The following ERC1 variants were observed in gnomAD, a reference collection of about 807,000 sequenced individuals.
The protein encoded by ERC1 is ELKS/RAB6-interacting/CAST family member 1.
In ERC1, 56 loss-of-function variants were observed where a neutral mutation model predicts 132.0. That is an observed-to-expected ratio of 0.42 (90% CI 0.34 to 0.53). The LOEUF (loss-of-function observed/expected upper bound fraction) is 0.53, where lower values mean the gene tolerates loss of function less well. Among genes scored for constraint, ERC1 ranks in the 20% least tolerant of loss-of-function variants. ERC1 has a pLI of 0.03. For missense variants in ERC1, 1,202 were observed against 1,349.9 expected (o/e 0.89, Z 1.72); for synonymous variants, 478 against 476.1 (o/e 1.00, Z -0.05).
intron 1 of ERC1, among the ~76,000 whole-genome samples, chr12:1,026,589 G>A (rs1352614783): frequency 2.0e-5 from 3 of 152,172 alleles, no homozygotes; most frequent in Non-Finnish European, 4.4e-5. Context: ...ACATTATGTA[G>A]TATCCAGTAA....
At chr12:1,481,024 A>G (rs1011939767) in intron 18 of ERC1, 2 of 603,460 alleles carry the variant, frequency 3.3e-6, no homozygotes, top group Non-Finnish European at 6.0e-6. Context: ...CTATACATAT[A>G]TACCTGAGAT....
intron 15 of ERC1, among the ~76,000 whole-genome samples, chr12:1,358,492 A>G (rs760626506): frequency 1.1e-4 from 16 of 152,164 alleles, no homozygotes; most frequent in Non-Finnish European, 1.8e-4. Flanking sequence ...GAGGTATGTA[A>G]TACCTTAATG....
chr12:1,127,668 A>G (rs1773506273), intron 7 of ERC1, among the ~76,000 whole-genome samples: 1 of 152,224 alleles, frequency 6.6e-6, no homozygotes, highest in African/African-American at 2.4e-5. Context: ...GGTATGTAAC[A>G]TTAATATAAA....
At chr12:1,263,847 G>A (rs28379879) in intron 14 of ERC1, among the ~76,000 whole-genome samples, 6,485 of 151,888 alleles carry the variant, frequency 0.043, 225 homozygotes, top group African/African-American at 0.085. Context: ...CTGCCAGCAC[G>A]CCCAGCTAAT....
At chr12:995,895 G>A (rs1029526822) in intron 1 of ERC1, among the ~76,000 whole-genome samples, 2 of 152,146 alleles carry the variant, frequency 1.3e-5, no homozygotes, top group African/African-American at 4.8e-5. Flanking sequence ...TGATATTCTA[G>A]AAGTGAAGGA....
At position 1,180,401 on chromosome 12, in the gene ERC1, T is replaced by A. The variant is rs1210886372; in HGVS notation, c.1738-139T>A. On this transcript the variant is annotated intron_variant, in intron 8 of 18. Coordinates refer to ENST00000360905, the MANE Select transcript of ERC1 (RefSeq NM_178040.4). ...GTTTTGCATGTAATTCTGAAACTCT[T>A]AGGATTAAATGATTTCTACAGAATG... 3.4e-5 allele frequency: 25 copies of A among 735,444 alleles called. No homozygotes were observed. In the Admixed American group the frequency reaches 5.6e-4, roughly 17 times the overall value. The allele number at this position is 735,444 out of a possible 1,614,324, so 45.6% of individuals were successfully genotyped here. A position where few individuals can be genotyped will look rare whatever the true frequency, so the allele number is the denominator to read the frequency against.
At chr12:1,451,704 A>G (rs1473733854) in intron 18 of ERC1, among the ~76,000 whole-genome samples, 1 of 152,202 alleles carries the variant, frequency 6.6e-6, no homozygotes, top group Non-Finnish European at 1.5e-5. Flanking sequence ...TCTGCTGGTA[A>G]TTAATTCTAT....
At chr12:1,032,814 C>A (rs936917455) in intron 2 of ERC1, among the ~76,000 whole-genome samples, 2 of 151,882 alleles carry the variant, frequency 1.3e-5, no homozygotes, top group Non-Finnish European at 2.9e-5. Context: ...AGTTGAAGTA[C>A]AACACCAAAA....
chr12:1,237,621 G>A (rs2075508247), intron 13 of ERC1, among the ~76,000 whole-genome samples: 2 of 152,158 alleles, frequency 1.3e-5, no homozygotes, highest in South Asian at 4.1e-4. Context: ...TTGCACCGGG[G>A]GAAATAGATT....
intron 15 of ERC1, among the ~76,000 whole-genome samples, chr12:1,348,767 GTC>G (rs907719644): frequency 1.3e-5 from 2 of 152,022 alleles, no homozygotes; most frequent in Non-Finnish European, 2.9e-5. Context: ...AAAGACCTGT[GTC>G]TCTTAAAATA....
intron 12 of ERC1, among the ~76,000 whole-genome samples, chr12:1,232,937 C>T (rs1479265383): frequency 6.6e-5 from 10 of 151,770 alleles, no homozygotes; most frequent in Non-Finnish European, 1.5e-4. Context: ...TTAGCAAGAG[C>T]GTTTAACAGG....
At chr12:1,230,881 T>A (rs1036693409) in intron 12 of ERC1, among the ~76,000 whole-genome samples, 3 of 152,220 alleles carry the variant, frequency 2.0e-5, no homozygotes, top group South Asian at 4.1e-4. Flanking sequence ...TAAGCCCATT[T>A]CTATTCTTTT....
intron 15 of ERC1, among the ~76,000 whole-genome samples, chr12:1,350,578 C>G (rs2084908576): frequency 6.6e-6 from 1 of 152,080 alleles, no homozygotes; most frequent in Non-Finnish European, 1.5e-5. Context: ...GCCATAAATC[C>G]GTGAAGTCAG....
rs995225738 is a variant in ERC1, at chr12:1,423,522, T to G, written c.3024+15275T>G. Among the ~76,000 whole-genome samples the G allele has an allele frequency of 2.0e-5, 3 of 152,240 alleles. No individual in the cohort carries two copies. The South Asian group carries it at 6.2e-4, about 31-fold the overall frequency. ...ATGATCCATCTTAGTGAACATAACT[T>G]GTGCTCTTAAAGGAATGGTATTCTT... On this transcript the variant is annotated intron_variant, in intron 17 of 18. Transcript: ENST00000360905.
chr12:1,187,501 A>G (rs968247860), intron 11 of ERC1, among the ~76,000 whole-genome samples: 2 of 151,894 alleles, frequency 1.3e-5, no homozygotes, highest in African/African-American at 4.8e-5. Context: ...TCCTGGGCTC[A>G]AGGAATTCTC....
intron 5 of ERC1, among the ~76,000 whole-genome samples, chr12:1,111,137 T>C (rs914396218): frequency 1.3e-5 from 2 of 152,182 alleles, no homozygotes; most frequent in African/African-American, 4.8e-5. Context: ...TTGCTTCCCA[T>C]GTGCACTTCA....
At chr12:1,420,696 C>T (rs1223731521) in intron 17 of ERC1, among the ~76,000 whole-genome samples, 1 of 152,108 alleles carries the variant, frequency 6.6e-6, no homozygotes, top group Non-Finnish European at 1.5e-5. Flanking sequence ...ACCTCATGAT[C>T]CACCCACCTC....
intron 15 of ERC1, among the ~76,000 whole-genome samples, chr12:1,330,218 C>G (rs1429618777): frequency 1.3e-5 from 2 of 152,192 alleles, no homozygotes; most frequent in Non-Finnish European, 2.9e-5. Context: ...GGAAAAGCAA[C>G]AACACATCTA....
At chr12:1,440,665 T>TGTGTGTGTGA (rs2093122642) in intron 17 of ERC1, among the ~76,000 whole-genome samples, 1 of 112,430 alleles carries the variant, frequency 8.9e-6, no homozygotes, top group Admixed American at 9.7e-5. Context: ...TGTGTGTGTG[T>TGTGTGTGTGA]GTGATGGAGT....
Sources: allele counts gnomAD v4.1 joint callset (sites outside exome capture counted in the v4.1 genomes callset), GRCh38; gene constraint gnomAD v4.1.1; transcripts MANE v1.5; gene names NCBI Gene and HGNC (gene_info 2026-07-23, HGNC 2026-07-21).